The following OR5L1 variants were observed in gnomAD, a reference collection of about 807,000 sequenced individuals.
OR5L1 encodes olfactory receptor family 5 subfamily L member 1, also known as olfactory receptor 5L1.
For synonymous variants in OR5L1, 197 were observed against 146.6 expected, an observed-to-expected ratio of 1.34 and a Z score of -2.49; for missense variants, 398 against 365.8, an observed-to-expected ratio of 1.09 and a Z score of -0.72.
rs1381189325 is a variant in OR5L1 at position 55,812,219 on chromosome 11, C to T, written c.753C>T (p.Phe251=). ...CASHLTAITV[F]HGTVLSIYCR... is the part of the protein sequence containing the mutation. ...CCCACCTCACAGCTATCACTGTCTT[C>T]CATGGAACAGTCCTTTCCATTTATT... The change falls in exon 1 of 1, where the codon TTC becomes TTT. Residue 251 remains phenylalanine (F), a synonymous_variant. Coordinates refer to ENST00000625203, the MANE Select transcript of OR5L1 (RefSeq NM_001004738.2). 3.7e-6 allele frequency: 6 copies of T among 1,613,906 alleles called. No individual in the cohort carries two copies. The highest frequency in any genetic ancestry group is 5.1e-6 in the Non-Finnish European group (6 of 1,180,014).
At position 55,812,101 on chromosome 11, in the gene OR5L1, T is replaced by A; in HGVS notation, c.635T>A (p.Met212Lys). The stretch of plus-strand genomic sequence containing the variant: ...ACTTTGAATGAGAGTGTTACCATCA[T>A]GATCATCCTCACCTCCTACCTGCTA... Reference protein sequence around the residue: ...VATLNESVTIMIILTSYLLIL... With the variant: ...VATLNESVTIKIILTSYLLIL... Residue 212 changes from methionine to lysine, a missense_variant, in exon 1 of 1, where the codon ATG becomes AAG. Transcript: ENST00000625203. The A allele has an allele frequency of 6.2e-7, 1 of 1,614,048 alleles. No individual in the cohort carries two copies. The highest frequency in any genetic ancestry group is 8.5e-7 in the Non-Finnish European group (1 of 1,180,032).
chr11:55,811,591 A>T lies in OR5L1; in HGVS notation c.125A>T (p.Asn42Ile). The change falls in exon 1 of 1, where the codon AAC (asparagine) becomes ATC (isoleucine). Residue 42 changes from asparagine to isoleucine, a missense_variant. Physicochemically the swap from Asn to Ile is moderately radical, Grantham distance 149. Coordinates refer to ENST00000625203, the MANE Select transcript of OR5L1 (RefSeq NM_001004738.2). ...LLIYGVTLLA[N>I]LGMIALIQVS... is the part of the protein sequence containing the mutation. Reference sequence around the variant, plus strand: ...ATCTATGGAGTCACGTTGTTAGCCAACCTGGGCATGATTGCACTGATTCAG... The same window carrying T: ...ATCTATGGAGTCACGTTGTTAGCCATCCTGGGCATGATTGCACTGATTCAG... 1 of 1,613,938 alleles carries T rather than the reference A, an allele frequency of 6.2e-7. No homozygotes were observed. Among genetic ancestry groups the T allele is most frequent in the Non-Finnish European group, 8.5e-7 (1 of 1,180,016 alleles).
In OR5L1 at chr11:55,812,373, A is replaced by G; in HGVS notation, c.907A>G (p.Lys303Glu). ...RNKDVKEALR[K>E]VMGSKIHS ...TAAAGATGTGAAAGAAGCTCTCAGA[A>G]AAGTGATGGGCTCCAAAATTCACTC... The change falls in exon 1 of 1, where the codon AAA becomes GAA. Residue 303 changes from lysine (K) to glutamate (E), a missense_variant. Transcript: ENST00000625203. 6.2e-7 allele frequency: 1 copy of G among 1,610,490 alleles called. No homozygotes were observed. Among genetic ancestry groups the G allele is most frequent in the Non-Finnish European group, 8.5e-7 (1 of 1,178,184 alleles).
rs770706404 is a variant in OR5L1 at position 55,812,379 on chromosome 11, A to T, written c.913A>T (p.Met305Leu). 1 of 1,608,612 alleles carries T rather than the reference A, an allele frequency of 6.2e-7. No homozygotes were observed. The highest frequency in any genetic ancestry group is 1.7e-5 in the Admixed American group (1 of 59,742). The change falls in exon 1 of 1, where the codon ATG becomes TTG. Residue 305 changes from methionine to leucine, a missense_variant. Met to Leu is a conservative substitution (Grantham distance 15). Coordinates refer to ENST00000625203, the MANE Select transcript of OR5L1 (RefSeq NM_001004738.2). ...KDVKEALRKV[M>L]GSKIHS ...TGTGAAAGAAGCTCTCAGAAAAGTGATGGGCTCCAAAATTCACTCCTAGGG... is the reference window on the plus strand; with the variant it reads ...TGTGAAAGAAGCTCTCAGAAAAGTGTTGGGCTCCAAAATTCACTCCTAGGG...
rs750272765 is a variant in OR5L1 at position 55,811,886 on chromosome 11, G to T, written c.420G>T (p.Val140=). Residue 140 remains valine (V), a synonymous_variant, in exon 1 of 1, where the codon GTG becomes GTT. Transcript: ENST00000625203. ...ACACAGTCACCATGTCTTGGAAGGTGCGTGTGGAGCTGGCTTCTTGCTGCT... is the reference window on the plus strand; with the variant it reads ...ACACAGTCACCATGTCTTGGAAGGTTCGTGTGGAGCTGGCTTCTTGCTGCT... ...LLYTVTMSWK[V]RVELASCCYF... is the part of the protein sequence containing the mutation. The T allele has an allele frequency of 6.2e-7, 1 of 1,613,974 alleles. No individual in the cohort carries two copies. Among genetic ancestry groups the T allele is most frequent in the South Asian group, 1.1e-5 (1 of 91,082 alleles).
In OR5L1 at chr11:55,811,963, T is replaced by G. The variant is rs1400872980; in HGVS notation, c.497T>G (p.Ile166Ser). ...ATTCATTTGTGCTTAGCTCTTAGGA[T>G]CCCCTTCTATAGATCTAATGTGATT... The part of the protein sequence containing the change: ...SLIHLCLALR[I>S]PFYRSNVINH... Residue 166 changes from isoleucine to serine, a missense_variant, in exon 1 of 1, where the codon ATC becomes AGC. Coordinates refer to ENST00000625203, the MANE Select transcript of OR5L1 (RefSeq NM_001004738.2). The G allele has an allele frequency of 1.9e-6, 3 of 1,613,838 alleles. No individual in the cohort carries two copies. Among genetic ancestry groups the G allele is most frequent in the Admixed American group, 3.3e-5 (2 of 59,992 alleles).
Position 55,811,735 on chromosome 11 carries a change from A to C in OR5L1, c.269A>C (p.Lys90Thr). The change falls in exon 1 of 1, where the codon AAA (lysine) becomes ACA (threonine). Residue 90 changes from lysine to threonine, a missense_variant. Coordinates refer to ENST00000625203, the MANE Select transcript of OR5L1 (RefSeq NM_001004738.2). ...KMLANIFNKD[K>T]AISFLGCMVQ... ...TTGGCTAATATCTTTAACAAGGACA[A>C]AGCCATCTCCTTCCTAGGGTGCATG... The C allele has an allele frequency of 5.6e-6, 9 of 1,614,078 alleles. No homozygotes were observed. The highest frequency in any genetic ancestry group is 7.6e-6 in the Non-Finnish European group (9 of 1,180,042).
rs774981865 is a variant in OR5L1 at position 55,811,797 on chromosome 11, G to A, written c.331G>A (p.Glu111Lys). The part of the protein sequence containing the change: ...FYLFCTCVVT[E>K]VFLLAVMAYD... ...CTTGTTTTGCACTTGTGTGGTCACT[G>A]AGGTCTTCCTGCTGGCCGTGATGGC... Residue 111 changes from glutamate to lysine, a missense_variant, in exon 1 of 1, where the codon GAG (glutamate) becomes AAG (lysine). Physicochemically the swap from Glu to Lys is moderately conservative, Grantham distance 56. Coordinates refer to ENST00000625203, the MANE Select transcript of OR5L1 (RefSeq NM_001004738.2). 3 of 1,614,032 alleles carry A rather than the reference G, an allele frequency of 1.9e-6. No individual in the cohort carries two copies. The East Asian group carries it at 6.7e-5, about 36-fold the overall frequency.
Position 55,812,246 on chromosome 11 carries a change from C to A in OR5L1, c.780C>A (p.Cys260Ter). ...VFHGTVLSIY[C>*]RPSSGNSGDA... ...ATGGAACAGTCCTTTCCATTTATTG[C>A]AGGCCCAGTTCAGGCAATAGTGGAG... The change falls in exon 1 of 1, where the codon TGC becomes TGA. Residue 260 changes from cysteine to a stop codon, truncating the protein, a stop_gained. Coordinates refer to ENST00000625203, the MANE Select transcript of OR5L1 (RefSeq NM_001004738.2). LOFTEE classifies it low-confidence loss of function (END_TRUNC). 1.9e-6 allele frequency: 3 copies of A among 1,613,950 alleles called. No homozygotes were observed. The highest frequency in any genetic ancestry group is 2.2e-5 in the South Asian group (2 of 91,078).
In OR5L1 at chr11:55,812,009, A is replaced by G. The variant is rs752230830; in HGVS notation, c.543A>G (p.Leu181=). 3.7e-6 allele frequency: 6 copies of G among 1,613,528 alleles called. No individual in the cohort carries two copies. The Admixed American group carries it at 8.3e-5, about 22-fold the overall frequency. Residue 181 remains leucine (L), a synonymous_variant, in exon 1 of 1, where the codon CTA becomes CTG. Transcript: ENST00000625203. ...TGATTAACCACTTTTTCTGTGATCT[A>G]CCTCCTGTCTTAAGTCTTGCTTGCT... ...SNVINHFFCD[L]PPVLSLACSD...
Position 55,812,297 on chromosome 11 carries a change from C to T in OR5L1, c.831C>T (p.Phe277=), listed in dbSNP as rs1429646818. 1.9e-6 allele frequency: 3 copies of T among 1,613,618 alleles called. No homozygotes were observed. Among genetic ancestry groups the T allele is most frequent in the African/African-American group, 2.7e-5 (2 of 74,740 alleles). Residue 277 remains phenylalanine (F), a synonymous_variant, in exon 1 of 1, where the codon TTC becomes TTT. Transcript: ENST00000625203. Reference sequence around the variant, plus strand: ...ATGCTGACAAAGTGGCCACCGTGTTCTACACAGTCGTGATTCCTATGCTGA... The same window carrying T: ...ATGCTGACAAAGTGGCCACCGTGTTTTACACAGTCGTGATTCCTATGCTGA... ...SGDADKVATV[F]YTVVIPMLNS... is the part of the protein sequence containing the mutation.
rs199804807 is a variant in OR5L1 at position 55,812,063 on chromosome 11, G to C, written c.597G>C (p.Leu199=). The change falls in exon 1 of 1, where the codon CTG becomes CTC. Residue 199 remains leucine (L), a synonymous_variant. Coordinates refer to ENST00000625203, the MANE Select transcript of OR5L1 (RefSeq NM_001004738.2). ...CSDITVNETL[L]FLVATLNESV... is the part of the protein sequence containing the mutation. ...ATATCACTGTGAATGAGACACTGCTGTTCCTGGTGGCCACTTTGAATGAGA... is the reference window on the plus strand; with the variant it reads ...ATATCACTGTGAATGAGACACTGCTCTTCCTGGTGGCCACTTTGAATGAGA... The C allele has an allele frequency of 6.2e-7, 1 of 1,613,846 alleles. No individual in the cohort carries two copies. Among genetic ancestry groups the C allele is most frequent in the African/African-American group, 1.3e-5 (1 of 74,752 alleles).
Position 55,811,899 on chromosome 11 carries a change from G to T in OR5L1, c.433G>T (p.Ala145Ser). 1 of 1,613,930 alleles carries T rather than the reference G, an allele frequency of 6.2e-7. No individual in the cohort carries two copies. Among genetic ancestry groups the T allele is most frequent in the South Asian group, 1.1e-5 (1 of 91,068 alleles). The change falls in exon 1 of 1, where the codon GCT (alanine) becomes TCT (serine). Residue 145 changes from alanine (A) to serine (S), a missense_variant. Coordinates refer to ENST00000625203, the MANE Select transcript of OR5L1 (RefSeq NM_001004738.2). ...GTCTTGGAAGGTGCGTGTGGAGCTG[G>T]CTTCTTGCTGCTACTTCTGTGGGAC... ...TMSWKVRVELASCCYFCGTVC... is the reference protein window; with the variant it reads ...TMSWKVRVELSSCCYFCGTVC...
chr11:55,811,434 TTCTTTTCCTCCAATC>T lies in OR5L1; in HGVS notation c.-30_-16del, dbSNP rs766298779. 1.9e-6 allele frequency: 3 copies of T among 1,570,506 alleles called. No individual in the cohort carries two copies. The South Asian group carries it at 3.6e-5, about 19-fold the overall frequency. ...ATATAATGGAGAATAATTTTTAAGTTTCTTTTCCTCCAATCTCATATAAATTGGAGACATGGGCAA... is the reference window on the plus strand; with the variant it reads ...ATATAATGGAGAATAATTTTTAAGTTTCATATAAATTGGAGACATGGGCAA... On this transcript the variant is annotated 5_prime_UTR_variant, in exon 1 of 1. Coordinates refer to ENST00000625203, the MANE Select transcript of OR5L1 (RefSeq NM_001004738.2).
At position 55,811,887 on chromosome 11, in the gene OR5L1, C is replaced by A. The variant is rs372180673; in HGVS notation, c.421C>A (p.Arg141Ser). ...LYTVTMSWKV[R>S]VELASCCYFC... ...CACAGTCACCATGTCTTGGAAGGTG[C>A]GTGTGGAGCTGGCTTCTTGCTGCTA... is the stretch of plus-strand genomic sequence containing the variant. Residue 141 changes from arginine (R) to serine (S), a missense_variant, in exon 1 of 1, where the codon CGT becomes AGT. Coordinates refer to ENST00000625203, the MANE Select transcript of OR5L1 (RefSeq NM_001004738.2). The A allele has an allele frequency of 2.3e-5, 37 of 1,613,832 alleles. No homozygotes were observed. In the East Asian group the frequency reaches 6.0e-4, roughly 26 times the overall value.
At position 55,811,609 on chromosome 11, in the gene OR5L1, T is replaced by C. The variant is rs372063883; in HGVS notation, c.143T>C (p.Leu48Pro). 2.7e-5 allele frequency: 44 copies of C among 1,614,054 alleles called. 2 individuals are homozygous for C. In the African/African-American group the frequency reaches 5.6e-4, roughly 21 times the overall value. The change falls in exon 1 of 1, where the codon CTG becomes CCG. Residue 48 changes from leucine (L) to proline (P), a missense_variant. Coordinates refer to ENST00000625203, the MANE Select transcript of OR5L1 (RefSeq NM_001004738.2). ...TLLANLGMIALIQVSSRLHTP... is the reference protein window; with the variant it reads ...TLLANLGMIAPIQVSSRLHTP... ...TTAGCCAACCTGGGCATGATTGCAC[T>C]GATTCAGGTCAGCTCTCGGCTCCAC...
Position 55,812,248 on chromosome 11 carries a change from G to A in OR5L1, c.782G>A (p.Arg261Lys), listed in dbSNP as rs1166015223. ...FHGTVLSIYC[R>K]PSSGNSGDAD... ...GGAACAGTCCTTTCCATTTATTGCA[G>A]GCCCAGTTCAGGCAATAGTGGAGAT... is the stretch of plus-strand genomic sequence containing the variant. The change falls in exon 1 of 1, where the codon AGG becomes AAG. Residue 261 changes from arginine to lysine, a missense_variant. Transcript: ENST00000625203. 3.1e-6 allele frequency: 5 copies of A among 1,613,694 alleles called. No homozygotes were observed. In the East Asian group the frequency reaches 8.9e-5, roughly 29 times the overall value.
In OR5L1 at chr11:55,812,472, T is replaced by A; in HGVS notation, c.*70T>A. The A allele has an allele frequency of 9.5e-7, 1 of 1,056,796 alleles. No homozygotes were observed. The highest frequency in any genetic ancestry group is 1.6e-5 in the African/African-American group (1 of 62,420). The allele number at this position is 1,056,796 out of a possible 1,614,324, so 65.5% of individuals were successfully genotyped here. A position where few individuals can be genotyped will look rare whatever the true frequency, so the allele number is the denominator to read the frequency against. On this transcript the variant is annotated 3_prime_UTR_variant, in exon 1 of 1. Transcript: ENST00000625203. ...GCGGGGGTTCACGGGAGAGGCACAG[T>A]GTTGGAGTACAGAGAAGAAGGAGCT...
In OR5L1 at chr11:55,811,864, C is replaced by G. The variant is rs780710791; in HGVS notation, c.398C>G (p.Thr133Arg). 1 of 1,613,982 alleles carries G rather than the reference C, an allele frequency of 6.2e-7. No homozygotes were observed. The highest frequency in any genetic ancestry group is 1.1e-5 in the South Asian group (1 of 91,090). The change falls in exon 1 of 1, where the codon ACA (threonine) becomes AGA (arginine). Residue 133 changes from threonine to arginine, a missense_variant. Thr to Arg is a moderately conservative substitution (Grantham distance 71). Coordinates refer to ENST00000625203, the MANE Select transcript of OR5L1 (RefSeq NM_001004738.2). ...FVAICNPLLY[T>R]VTMSWKVRVE... ...GCCATCTGTAACCCTTTGCTATACA[C>G]AGTCACCATGTCTTGGAAGGTGCGT...
Sources: allele counts gnomAD v4.1 joint callset, GRCh38; gene constraint gnomAD v4.1.1; transcripts MANE v1.5; gene names NCBI Gene and HGNC (gene_info 2026-07-23, HGNC 2026-07-21).